The following PTPRD variants were observed in gnomAD, a reference collection of about 807,000 sequenced individuals.
The protein encoded by PTPRD is protein tyrosine phosphatase receptor type D.
Under a neutral mutation model 214.5 loss-of-function variants are expected in PTPRD, and 34 were observed. That is an observed-to-expected ratio of 0.16 (90% CI 0.12 to 0.21). PTPRD has a LOEUF of 0.21. Ranked by LOEUF, PTPRD falls within the 10% of genes least tolerant of loss-of-function variation. PTPRD has a pLI of 1.00. For missense variants in PTPRD, 2,545 were observed against 2,398.7 expected (o/e 1.06, Z -1.27); for synonymous variants, 1,128 against 845.7 (o/e 1.33, Z -5.79).
intron 3 of PTPRD, among the ~76,000 whole-genome samples, chr9:10,315,099 G>A (rs1438022096): frequency 6.6e-6 from 1 of 151,952 alleles, no homozygotes; most frequent in Non-Finnish European, 1.5e-5. Flanking sequence ...GTATGCACAT[G>A]TAGTTCATTT....
intron 12 of PTPRD, among the ~76,000 whole-genome samples, chr9:8,637,869 C>CAAT (rs2096480839): frequency 6.6e-6 from 1 of 151,932 alleles, no homozygotes; most frequent in South Asian, 2.1e-4. Context: ...GCTTATGATG[C>CAAT]AATAATAAGC....
intron 6 of PTPRD, among the ~76,000 whole-genome samples, chr9:9,749,319 G>A (rs1163682838): frequency 6.6e-6 from 1 of 152,120 alleles, no homozygotes. Flanking sequence ...CAGTGGTAGG[G>A]TATTAAGCCT....
At chr9:9,079,200 C>T (rs1452579184) in intron 10 of PTPRD, among the ~76,000 whole-genome samples, 2 of 151,998 alleles carry the variant, frequency 1.3e-5, no homozygotes, top group South Asian at 4.1e-4. Flanking sequence ...TCTCCTTATT[C>T]CTCCTTTCCC....
intron 35 of PTPRD, among the ~76,000 whole-genome samples, chr9:8,418,046 G>A (rs577283548): frequency 6.6e-6 from 1 of 152,176 alleles, no homozygotes; most frequent in Non-Finnish European, 1.5e-5. Context: ...GCCATGTTGT[G>A]GTGCTCAGGG....
chr9:9,214,826 C>A (rs1333075372), intron 9 of PTPRD, among the ~76,000 whole-genome samples: 1 of 152,120 alleles, frequency 6.6e-6, no homozygotes, highest in Non-Finnish European at 1.5e-5. Context: ...GTTGTCTCAG[C>A]AAGCCTGTGT....
chr9:8,534,727 T>C (rs2076522169), intron 14 of PTPRD, among the ~76,000 whole-genome samples: 2 of 151,862 alleles, frequency 1.3e-5, no homozygotes, highest in Admixed American at 1.3e-4. Context: ...AGTAGTGTTC[T>C]ATGCAGCAGA....
At chr9:8,463,235 G>A (rs754207269) in intron 32 of PTPRD, among the ~76,000 whole-genome samples, 2 of 131,376 alleles carry the variant, frequency 1.5e-5, no homozygotes, top group African/African-American at 2.9e-5. Context: ...AGACTGACTA[G>A]ATTTGCAGAT....
chr9:9,201,989 A>T (rs1014084315), intron 9 of PTPRD, among the ~76,000 whole-genome samples: 13 of 152,254 alleles, frequency 8.5e-5, no homozygotes. Flanking sequence ...TGAATACACT[A>T]ATAAAGATGG....
intron 5 of PTPRD, among the ~76,000 whole-genome samples, chr9:9,851,541 C>T (rs1475226956): frequency 6.6e-6 from 1 of 152,176 alleles, no homozygotes; most frequent in Non-Finnish European, 1.5e-5. Flanking sequence ...TATTGAATTA[C>T]ATTATTTACA....
At chr9:9,884,310 TA>T (rs1242002296) in intron 5 of PTPRD, among the ~76,000 whole-genome samples, 1 of 152,142 alleles carries the variant, frequency 6.6e-6, no homozygotes, top group Non-Finnish European at 1.5e-5. Flanking sequence ...ATTTTGTTTT[TA>T]TTTATGATTT....
chr9:9,020,652 A>G (rs565657244), intron 10 of PTPRD, among the ~76,000 whole-genome samples: 2 of 152,294 alleles, frequency 1.3e-5, no homozygotes, highest in Admixed American at 6.5e-5. Context: ...CATTTTGTAC[A>G]TATTATATTT....
At chr9:9,955,364 T>G (rs2093814212) in intron 4 of PTPRD, among the ~76,000 whole-genome samples, 1 of 152,082 alleles carries the variant, frequency 6.6e-6, no homozygotes, top group African/African-American at 2.4e-5. Context: ...TTAAATAAAT[T>G]TTTACTTCCT....
intron 5 of PTPRD, among the ~76,000 whole-genome samples, chr9:9,910,278 CAT>C (rs1400261332): frequency 1.3e-5 from 2 of 151,934 alleles, no homozygotes; most frequent in Non-Finnish European, 2.9e-5. Flanking sequence ...ATAAAATAGA[CAT>C]AGTTTATGAA....
intron 3 of PTPRD, among the ~76,000 whole-genome samples, chr9:10,254,013 AAAT>A (rs1313460881): frequency 6.6e-6 from 1 of 152,176 alleles, no homozygotes; most frequent in African/African-American, 2.4e-5. Context: ...ATTATGTTGA[AAAT>A]AATAACACAT....
rs145033968 is a variant in PTPRD at position 9,452,252 on chromosome 9, T to C, written c.-236-54770A>G. On this transcript the variant is annotated intron_variant, in intron 8 of 45. Transcript: ENST00000381196. The stretch of plus-strand genomic sequence containing the variant: ...AAATGGAAACCAATTGACAATAGAA[T>C]AATATTTTCAGTGTGTTGATTGATG... 6.3e-4 allele frequency among the ~76,000 whole-genome samples: 95 copies of C among 151,516 alleles called. No individual in the cohort carries two copies. In the Middle Eastern group the frequency reaches 0.01, roughly 16 times the overall value.
At chr9:9,451,661 A>C (rs1270422446) in intron 8 of PTPRD, among the ~76,000 whole-genome samples, 1 of 151,748 alleles carries the variant, frequency 6.6e-6, no homozygotes, top group Non-Finnish European at 1.5e-5. Flanking sequence ...TTTTTATATA[A>C]AAATTAACAA....
intron 7 of PTPRD, among the ~76,000 whole-genome samples, chr9:9,696,961 A>G (rs2097387443): frequency 6.6e-6 from 1 of 152,076 alleles, no homozygotes; most frequent in Non-Finnish European, 1.5e-5. Flanking sequence ...TATTCATTAC[A>G]TGTGTTTCTT....
intron 4 of PTPRD, among the ~76,000 whole-genome samples, chr9:10,010,724 G>A (rs60993571): frequency 0.024 from 3,662 of 151,880 alleles, 161 homozygotes; most frequent in African/African-American, 0.083. Context: ...ATAAAAAATC[G>A]AGGTTTGAAA....
At chr9:9,853,393 T>A (rs7037028) in intron 5 of PTPRD, among the ~76,000 whole-genome samples, 115,526 of 151,718 alleles carry the variant, frequency 0.76, 45,057 homozygotes, top group East Asian at 0.94. Context: ...AACATTCTTG[T>A]TTCAGGACCA....
Sources: allele counts gnomAD v4.1 joint callset (sites outside exome capture counted in the v4.1 genomes callset), GRCh38; gene constraint gnomAD v4.1.1; transcripts MANE v1.5; gene names NCBI Gene and HGNC (gene_info 2026-07-23, HGNC 2026-07-21).